The following ULK4 variants were observed in gnomAD, a reference collection of about 807,000 sequenced individuals.
ULK4 encodes unc-51 like kinase 4, also known as inactive serine/threonine-protein kinase ULK4.
A neutral mutation model predicts 160.6 loss-of-function variants in ULK4; 133 were observed. The ratio of observed to expected loss-of-function variants is 0.83; its 90% CI spans 0.72 to 0.96. The LOEUF is 0.96. Ranked by LOEUF, ULK4 falls within the 40% of genes least tolerant of loss-of-function variation. The pLI is 0.00. For missense variants in ULK4, 1,580 were observed against 1,499.5 expected (o/e 1.05, Z -0.89); for synonymous variants, 534 against 539.8 (o/e 0.99, Z 0.15).
intron 32 of ULK4, among the ~76,000 whole-genome samples, chr3:41,489,302 C>T (rs1236772192): frequency 3.9e-5 from 6 of 152,210 alleles, no homozygotes; most frequent in Non-Finnish European, 8.8e-5. Context: ...TCTGCACTGG[C>T]TTATTTCTCA....
chr3:41,446,106 CA>C (rs1340953445), intron 34 of ULK4, among the ~76,000 whole-genome samples: 15 of 152,032 alleles, frequency 9.9e-5, no homozygotes, highest in African/African-American at 3.4e-4. Context: ...TTTATGCAGC[CA>C]AAACACACAT....
At chr3:41,587,094 A>G (rs2030877491) in intron 31 of ULK4, among the ~76,000 whole-genome samples, 1 of 152,116 alleles carries the variant, frequency 6.6e-6, no homozygotes. Flanking sequence ...TCCTCTTCTA[A>G]GCTCATCCAG....
intron 31 of ULK4, among the ~76,000 whole-genome samples, chr3:41,599,565 C>CTTT (rs200055034): frequency 0.015 from 1,950 of 130,688 alleles, 71 homozygotes; most frequent in African/African-American, 0.054. Context: ...TTTTCTTTTT[C>CTTT]TTTTTTTTTT....
intron 35 of ULK4, among the ~76,000 whole-genome samples, chr3:41,380,370 G>T (rs1417094834): frequency 6.6e-6 from 1 of 152,162 alleles, no homozygotes; most frequent in Non-Finnish European, 1.5e-5. Flanking sequence ...TAATGTGAAA[G>T]ATGACATACA....
chr3:41,761,831 T>G (rs551652507), intron 21 of ULK4, among the ~76,000 whole-genome samples: 35 of 152,178 alleles, frequency 2.3e-4, no homozygotes, highest in Admixed American at 1.4e-3. Flanking sequence ...ATCCCAGCAC[T>G]ATGGGAGACT....
rs1350348033 is a variant in ULK4, at chr3:41,856,562, C to CATATATATATATATGTGTATATATAT, written c.1657-20592_1657-20591insATATATATACACATATATATATATAT. On this transcript the variant is annotated intron_variant, in intron 17 of 36. Coordinates refer to ENST00000301831, the MANE Select transcript of ULK4 (RefSeq NM_017886.4). The stretch of plus-strand genomic sequence containing the variant: ...GTATATATATATGTGTATATATATA[C>CATATATATATATATGTGTATATATAT]ACATATATATATGTGTATATATATA... Among the ~76,000 whole-genome samples, 3 of 32,540 alleles carry CATATATATATATATGTGTATATATAT rather than the reference C, an allele frequency of 9.2e-5. 1 individual carries two copies. The highest frequency in any genetic ancestry group is 1.6e-4 in the Non-Finnish European group (3 of 19,192). The allele number at this position is 32,540 out of a possible 152,430, so 21.3% of individuals were successfully genotyped here. A position where few individuals can be genotyped will look rare whatever the true frequency, so the allele number is the denominator to read the frequency against.
intron 21 of ULK4, among the ~76,000 whole-genome samples, chr3:41,788,835 T>G (rs997174799): frequency 6.6e-6 from 1 of 152,258 alleles, no homozygotes; most frequent in Non-Finnish European, 1.5e-5. Context: ...TTTCTAAGTT[T>G]GAATCATTGC....
intron 29 of ULK4, among the ~76,000 whole-genome samples, chr3:41,679,793 C>G (rs1292853722): frequency 6.6e-6 from 1 of 152,222 alleles, no homozygotes; most frequent in Non-Finnish European, 1.5e-5. Context: ...CTGATCCCTA[C>G]TGTGTGGAGG....
chr3:41,538,192 C>T (rs549721542), intron 32 of ULK4, among the ~76,000 whole-genome samples: 1 of 152,188 alleles, frequency 6.6e-6, no homozygotes, highest in South Asian at 2.1e-4. Context: ...AATGACTTTG[C>T]TTTTTCTATA....
chr3:41,772,300 C>G (rs993914688), intron 21 of ULK4, among the ~76,000 whole-genome samples: 1 of 151,718 alleles, frequency 6.6e-6, no homozygotes, highest in African/African-American at 2.4e-5. Flanking sequence ...TTGAAAAGAT[C>G]AACAAAATTG....
In ULK4 at chr3:41,375,634, A is replaced by G. The variant is rs1023614499; in HGVS notation, c.3678+22445T>C. Among the ~76,000 whole-genome samples, 6 of 150,418 alleles carry G rather than the reference A, an allele frequency of 4.0e-5. 1 individual carries two copies. The highest frequency in any genetic ancestry group is 1.5e-4 in the African/African-American group (6 of 40,378). On this transcript the variant is annotated intron_variant, in intron 35 of 36. Coordinates refer to ENST00000301831, the MANE Select transcript of ULK4 (RefSeq NM_017886.4). ...CACCTTATACAAAAATTAATTCAAG[A>G]TGGATTAAATATTTAAATGTAAGAC...
intron 35 of ULK4, among the ~76,000 whole-genome samples, chr3:41,396,114 T>C (rs986924215): frequency 1.3e-5 from 2 of 152,044 alleles, no homozygotes; most frequent in Non-Finnish European, 2.9e-5. Flanking sequence ...AATCCAAACT[T>C]TTTTTCGTAA....
At chr3:41,417,694 C>CTTTTTAAG (rs1389857623) in intron 34 of ULK4, among the ~76,000 whole-genome samples, 1 of 152,188 alleles carries the variant, frequency 6.6e-6, no homozygotes, top group Non-Finnish European at 1.5e-5. Context: ...AGCACACATG[C>CTTTTTAAG]AGTCCTTTTA....
intron 35 of ULK4, among the ~76,000 whole-genome samples, chr3:41,382,287 T>C (rs1205305515): frequency 2.6e-5 from 4 of 152,226 alleles, no homozygotes; most frequent in South Asian, 2.1e-4. Flanking sequence ...TTGAGAACCA[T>C]GTGTGCCACA....
At position 41,274,398 on chromosome 3, in the gene ULK4, G is replaced by C. The variant is rs192126481; in HGVS notation, c.3679-24824C>G. 2.6e-5 allele frequency among the ~76,000 whole-genome samples: 4 copies of C among 152,276 alleles called. No homozygotes were observed. In the East Asian group the frequency reaches 7.7e-4, roughly 29 times the overall value. The stretch of plus-strand genomic sequence containing the variant: ...GTAACACAGACAGCCACTAGTAATT[G>C]TTCCCTAAAAATTCTGTGTGGGAAT... On this transcript the variant is annotated intron_variant, in intron 35 of 36. Transcript: ENST00000301831.
At chr3:41,341,402 C>T (rs1455788619) in intron 35 of ULK4, among the ~76,000 whole-genome samples, 1 of 152,178 alleles carries the variant, frequency 6.6e-6, no homozygotes, top group Non-Finnish European at 1.5e-5. Context: ...TGATTTTACA[C>T]TCAACCATGA....
chr3:41,939,163 CTTTTT>C (rs3044215), intron 2 of ULK4, among the ~76,000 whole-genome samples: 4 of 146,202 alleles, frequency 2.7e-5, no homozygotes, highest in Admixed American at 6.8e-5. Context: ...AATGATTACC[CTTTTT>C]TTTTTTTTTT....
At chr3:41,593,419 C>T (rs1202360434) in intron 31 of ULK4, among the ~76,000 whole-genome samples, 1 of 151,984 alleles carries the variant, frequency 6.6e-6, no homozygotes, top group African/African-American at 2.4e-5. Context: ...CACACACACA[C>T]ATATAAACAC....
chr3:41,319,109 C>T (rs1405561262), intron 35 of ULK4, among the ~76,000 whole-genome samples: 2 of 152,110 alleles, frequency 1.3e-5, no homozygotes, highest in Admixed American at 6.5e-5. Flanking sequence ...ATTTTACTTA[C>T]ATGTAATATT....
Sources: allele counts gnomAD v4.1 joint callset (sites outside exome capture counted in the v4.1 genomes callset), GRCh38; gene constraint gnomAD v4.1.1; transcripts MANE v1.5; gene names NCBI Gene and HGNC (gene_info 2026-07-23, HGNC 2026-07-21).